The following SCN1A variants were observed in gnomAD, a reference collection of about 807,000 sequenced individuals.
The protein encoded by SCN1A is sodium channel protein type 1 subunit alpha.
In SCN1A, 13 loss-of-function variants were observed where a neutral mutation model predicts 193.7. That is an observed-to-expected ratio of 0.07 (90% CI 0.04 to 0.11). SCN1A has a LOEUF of 0.11. SCN1A is among the 10% of genes least tolerant of loss of function. The pLI is 1.00. For synonymous variants in SCN1A, 781 were observed against 843.6 expected (o/e 0.93, Z 1.29); for missense variants, 1,432 against 2,451.1 (o/e 0.58, Z 8.78).
At chr2:166,045,477 G>T in intron 12 of SCN1A, 150 bp from the exon 13 acceptor site, 1 of 862,568 alleles carries the variant, frequency 1.2e-6, no homozygotes. Context: ...TATAAGAGGA[G>T]ATTTTTTTTT....
At chr2:166,030,297 C>T (rs566110492) in intron 19 of SCN1A, among the ~76,000 whole-genome samples, 1 of 152,194 alleles carries the variant, frequency 6.6e-6, no homozygotes, top group South Asian at 2.1e-4. Context: ...GCTGGAATAA[C>T]AGTGTGTCTT....
chr2:166,066,137 A>C (rs1683815567), intron 4 of SCN1A, among the ~76,000 whole-genome samples: 1 of 152,146 alleles, frequency 6.6e-6, no homozygotes, highest in Admixed American at 6.5e-5. Flanking sequence ...GAAAGTGCCT[A>C]GGTAGGCTTT....
At chr2:166,054,341 T>G (rs1471751578) in intron 7 of SCN1A, among the ~76,000 whole-genome samples, 1 of 139,084 alleles carries the variant, frequency 7.2e-6, no homozygotes. Context: ...GTTTTGACAT[T>G]AGATTGTGTG....
chr2:166,099,881 G>C (rs1449369111), intron 2 of SCN1A, among the ~76,000 whole-genome samples: 420 of 86,574 alleles, frequency 4.9e-3, no homozygotes, highest in South Asian at 8.0e-3. Context: ...ACAAATGGAA[G>C]AACATTCCAT....
At chr2:166,110,566 A>C (rs756787620) in intron 2 of SCN1A, among the ~76,000 whole-genome samples, 2 of 152,192 alleles carry the variant, frequency 1.3e-5, no homozygotes, top group Non-Finnish European at 2.9e-5. Context: ...AGAGGTAAGA[A>C]AGCTACAGAA....
chr2:166,077,400 A>G (rs1685090500), intron 3 of SCN1A, among the ~76,000 whole-genome samples: 1 of 151,964 alleles, frequency 6.6e-6, no homozygotes, highest in African/African-American at 2.4e-5. Flanking sequence ...AAATGGGCCA[A>G]AGACCTGAAC....
At chr2:166,093,457 A>G (rs1364127703) in intron 2 of SCN1A, among the ~76,000 whole-genome samples, 1 of 151,696 alleles carries the variant, frequency 6.6e-6, no homozygotes, top group African/African-American at 2.4e-5. Flanking sequence ...TCCTGCCTCA[A>G]CCTCCTGAGT....
chr2:166,105,742 A>C (rs1688617898), intron 2 of SCN1A, among the ~76,000 whole-genome samples: 1 of 152,244 alleles, frequency 6.6e-6, no homozygotes, highest in Non-Finnish European at 1.5e-5. Context: ...AGCCCATGAG[A>C]AGATGACATA....
intron 21 of SCN1A, among the ~76,000 whole-genome samples, chr2:166,012,674 G>A (rs1692685193): frequency 8.1e-6 from 1 of 123,014 alleles, no homozygotes; most frequent in African/African-American, 3.2e-5. Flanking sequence ...GAAAGCTTGT[G>A]CTTTTGTAAA....
At position 166,106,015 on chromosome 2, in the gene SCN1A, G is replaced by A. The variant is rs939221664; in HGVS notation, c.-142+20909C>T. On this transcript the variant is annotated intron_variant, in intron 2 of 28. Coordinates refer to ENST00000674923, the MANE Select transcript of SCN1A (RefSeq NM_001165963.4). ...ATCCTGGCTAACACGGTGAAAACCCGTCTCTACTAAAAATACAAAAAATGA... is the reference window on the plus strand; with the variant it reads ...ATCCTGGCTAACACGGTGAAAACCCATCTCTACTAAAAATACAAAAAATGA... 7.2e-5 allele frequency among the ~76,000 whole-genome samples: 11 copies of A among 152,166 alleles called. No homozygotes were observed. The South Asian group carries it at 1.0e-3, about 14-fold the overall frequency.
intron 25 of SCN1A, among the ~76,000 whole-genome samples, chr2:165,999,401 T>C (rs1573990198): frequency 1.3e-5 from 2 of 151,502 alleles, no homozygotes; most frequent in East Asian, 3.9e-4. Context: ...TCAAATTTGG[T>C]CCCGCACACT....
intron 2 of SCN1A, among the ~76,000 whole-genome samples, chr2:166,106,212 A>C (rs1688675636): frequency 2.0e-5 from 3 of 152,304 alleles, no homozygotes; most frequent in South Asian, 2.1e-4. Context: ...ACAAACAAAA[A>C]AAGATACAGA....
chr2:166,101,273 A>C (rs1347019241), intron 2 of SCN1A, among the ~76,000 whole-genome samples: 1 of 148,942 alleles, frequency 6.7e-6, no homozygotes, highest in African/African-American at 2.5e-5. Flanking sequence ...AAAACCAAAC[A>C]CCGCATATTC....
intron 19 of SCN1A, among the ~76,000 whole-genome samples, chr2:166,022,471 T>TG (rs1436249488): frequency 6.6e-6 from 1 of 152,222 alleles, no homozygotes; most frequent in African/African-American, 2.4e-5. Flanking sequence ...TCTATAAACT[T>TG]GAAGAATTGA....
At chr2:166,115,098 G>T (rs1689705288) in intron 2 of SCN1A, among the ~76,000 whole-genome samples, 2 of 152,124 alleles carry the variant, frequency 1.3e-5, no homozygotes, top group Admixed American at 1.3e-4. Flanking sequence ...AGGCACGGTA[G>T]CTCACGCCTG....
intron 9 of SCN1A, among the ~76,000 whole-genome samples, chr2:166,050,709 C>T (rs1021633924): frequency 6.9e-6 from 1 of 145,976 alleles, no homozygotes; most frequent in African/African-American, 2.5e-5. Context: ...AAACTCCTGG[C>T]CTCAAGTGAT....
chr2:166,140,952 C>T (rs1692055535), intron 1 of SCN1A, among the ~76,000 whole-genome samples: 1 of 152,146 alleles, frequency 6.6e-6, no homozygotes, highest in Non-Finnish European at 1.5e-5. Context: ...TGGCTCCACC[C>T]AGACCTTCTA....
At chr2:166,048,384 G>A (rs980282493) in intron 10 of SCN1A, among the ~76,000 whole-genome samples, 6 of 151,992 alleles carry the variant, frequency 3.9e-5, no homozygotes, top group Non-Finnish European at 7.4e-5. Flanking sequence ...GCCCTAGTGT[G>A]TGTTGTTCCC....
At chr2:166,040,165 G>C (rs575831010) in intron 16 of SCN1A, among the ~76,000 whole-genome samples, 1 of 151,996 alleles carries the variant, frequency 6.6e-6, no homozygotes, top group African/African-American at 2.4e-5. Context: ...TGATCCGTCC[G>C]CCTCGGCCTC....
Sources: allele counts gnomAD v4.1 joint callset (sites outside exome capture counted in the v4.1 genomes callset), GRCh38; gene constraint gnomAD v4.1.1; transcripts MANE v1.5; gene names NCBI Gene and HGNC (gene_info 2026-07-23, HGNC 2026-07-21).